The following GMDS variants were observed in gnomAD, a reference collection of about 807,000 sequenced individuals.
GMDS encodes the protein GDP-mannose 4,6-dehydratase.
In GMDS, 20 loss-of-function variants were observed where a neutral mutation model predicts 49.9. The observed-to-expected ratio is 0.40, with a 90% CI of 0.28 to 0.58. The LOEUF (loss-of-function observed/expected upper bound fraction) is 0.58, where lower values mean the gene tolerates loss of function less well. GMDS is among the 20% of genes least tolerant of loss of function. The probability of loss-of-function intolerance (pLI) is 0.42; values close to 1 mark genes in which losing one functional copy is unlikely to be tolerated. For synonymous variants in GMDS, 177 were observed against 178.6 expected (o/e 0.99, Z 0.07); for missense variants, 362 against 481.4 (o/e 0.75, Z 2.32).
chr6:1,742,898 A>T (rs1484101358), intron 7 of GMDS, among the ~76,000 whole-genome samples: 1 of 152,206 alleles, frequency 6.6e-6, no homozygotes, highest in African/African-American at 2.4e-5. Flanking sequence ...ACCACAACGT[A>T]GAGGAATGTG....
intron 4 of GMDS, among the ~76,000 whole-genome samples, chr6:2,021,406 C>A (rs930926874): frequency 3.3e-5 from 5 of 151,860 alleles, no homozygotes; most frequent in Admixed American, 6.6e-5. Context: ...GTCTCTAGAC[C>A]CTTAAGATAG....
intron 7 of GMDS, among the ~76,000 whole-genome samples, chr6:1,743,574 A>G (rs1287101207): frequency 1.3e-5 from 2 of 151,588 alleles, no homozygotes; most frequent in Non-Finnish European, 2.9e-5. Flanking sequence ...ATGTCTATAC[A>G]GGTTCACTTT....
chr6:1,913,616 C>T (rs1047921135), intron 7 of GMDS, among the ~76,000 whole-genome samples: 3 of 152,150 alleles, frequency 2.0e-5, no homozygotes, highest in African/African-American at 7.2e-5. Context: ...ATAATATGCA[C>T]TTTTTCACCT....
chr6:2,137,745 G>A (rs868233836), intron 1 of GMDS, among the ~76,000 whole-genome samples: 3 of 152,152 alleles, frequency 2.0e-5, no homozygotes, highest in African/African-American at 4.8e-5. Flanking sequence ...TGTAAAACTC[G>A]TCCAGGACTC....
chr6:1,912,833 G>T (rs910825702), intron 7 of GMDS, among the ~76,000 whole-genome samples: 6 of 152,064 alleles, frequency 3.9e-5, no homozygotes, highest in African/African-American at 1.4e-4. Context: ...TAAAAATACA[G>T]AATTTCAACC....
At chr6:1,818,784 G>T (rs1770774528) in intron 7 of GMDS, among the ~76,000 whole-genome samples, 1 of 151,862 alleles carries the variant, frequency 6.6e-6, no homozygotes, top group Non-Finnish European at 1.5e-5. Context: ...TCAAAAAAGT[G>T]GTTGATTTTG....
At chr6:1,788,241 G>A (rs1234147368) in intron 7 of GMDS, among the ~76,000 whole-genome samples, 1 of 152,210 alleles carries the variant, frequency 6.6e-6, no homozygotes, top group East Asian at 1.9e-4. Flanking sequence ...GGAGGTGGAG[G>A]AACAGGCAGG....
rs569262927 is a variant in GMDS, at chr6:1,766,254, A to C, written c.772-23668T>G. On this transcript the variant is annotated intron_variant, in intron 7 of 10. Coordinates refer to ENST00000380815, the MANE Select transcript of GMDS (RefSeq NM_001500.4). The surrounding 1 kb of genome is among the most constrained non-coding windows in gnomAD (Gnocchi z 4.5). ...AGTTAGCTAATTTAAGCTGATGTGCATTGAGTCACTGGAAATTGGACAGGA... is the reference window on the plus strand; with the variant it reads ...AGTTAGCTAATTTAAGCTGATGTGCCTTGAGTCACTGGAAATTGGACAGGA... Among the ~76,000 whole-genome samples, 1 of 152,298 alleles carries C rather than the reference A, an allele frequency of 6.6e-6. No homozygotes were observed. The highest frequency in any genetic ancestry group is 1.9e-4 in the East Asian group (1 of 5,172).
At chr6:2,061,335 T>C (rs1419482086) in intron 4 of GMDS, among the ~76,000 whole-genome samples, 2 of 152,164 alleles carry the variant, frequency 1.3e-5, no homozygotes, top group South Asian at 2.1e-4. Context: ...GAAGTCATTA[T>C]GGTATTTTGA....
chr6:1,779,566 C>T (rs527725989), intron 7 of GMDS, among the ~76,000 whole-genome samples: 40 of 152,236 alleles, frequency 2.6e-4, no homozygotes, highest in African/African-American at 9.4e-4. Flanking sequence ...AGAGACAATC[C>T]TCATGTCCTC....
chr6:2,150,038 A>G (rs1221908157), intron 1 of GMDS, among the ~76,000 whole-genome samples: 3 of 152,200 alleles, frequency 2.0e-5, no homozygotes, highest in Non-Finnish European at 2.9e-5. Flanking sequence ...AATATGCTCA[A>G]GGCAAACACT....
At chr6:1,956,111 T>C (rs994736714) in intron 6 of GMDS, among the ~76,000 whole-genome samples, 5 of 152,304 alleles carry the variant, frequency 3.3e-5, no homozygotes, top group Admixed American at 2.0e-4. Context: ...GAAATCTTTC[T>C]AAAAGACTAC....
At chr6:1,952,726 T>C (rs1763416281) in intron 6 of GMDS, among the ~76,000 whole-genome samples, 1 of 151,900 alleles carries the variant, frequency 6.6e-6, no homozygotes, top group South Asian at 2.1e-4. Flanking sequence ...AGTTAGGCGT[T>C]AGGCAAATAT....
intron 7 of GMDS, among the ~76,000 whole-genome samples, chr6:1,775,052 A>G (rs1768740659): frequency 6.6e-6 from 1 of 152,246 alleles, no homozygotes; most frequent in Non-Finnish European, 1.5e-5. Context: ...AATCTGTAAC[A>G]GCTAATATGA....
intron 4 of GMDS, among the ~76,000 whole-genome samples, chr6:2,091,529 T>C (rs1261086874): frequency 6.6e-6 from 1 of 152,208 alleles, no homozygotes; most frequent in Non-Finnish European, 1.5e-5. Context: ...GACAGTCTTA[T>C]TTCTTTCCAA....
At chr6:1,759,043 C>T (rs545882949) in intron 7 of GMDS, among the ~76,000 whole-genome samples, 48 of 152,310 alleles carry the variant, frequency 3.2e-4, no homozygotes, top group Middle Eastern at 3.4e-3. Context: ...ACGCCTCAGC[C>T]TCTAGAGTAG....
intron 7 of GMDS, among the ~76,000 whole-genome samples, chr6:1,929,552 C>A (rs752168008): frequency 6.6e-6 from 1 of 152,200 alleles, no homozygotes; most frequent in Non-Finnish European, 1.5e-5. Context: ...ACAATAGAAT[C>A]ATTATTAACA....
At chr6:2,107,019 A>G (rs1051707310) in intron 4 of GMDS, among the ~76,000 whole-genome samples, 2 of 152,216 alleles carry the variant, frequency 1.3e-5, no homozygotes, top group African/African-American at 2.4e-5. Context: ...ATATAAAATA[A>G]TGTTGCAATA....
At chr6:1,915,421 G>C (rs1761327908) in intron 7 of GMDS, among the ~76,000 whole-genome samples, 2 of 152,220 alleles carry the variant, frequency 1.3e-5, no homozygotes. Flanking sequence ...AGCAGGGCAG[G>C]ACTCCAAGGG....
Sources: gnomAD v4.1 joint callset for allele counts (sites outside exome capture counted in the v4.1 genomes callset) on GRCh38, gnomAD v4.1.1 for gene constraint, Gnocchi (gnomAD v3.1) non-coding constraint, MANE v1.5 for transcripts, NCBI Gene and HGNC (gene_info 2026-07-23, HGNC 2026-07-21) for gene names.